Variants in SYNE1 observed in about 807,000 individuals in gnomAD.
The protein encoded by SYNE1 is nesprin-1.
A neutral mutation model predicts 1,111.0 loss-of-function variants in SYNE1; 616 were observed. That is an observed-to-expected ratio of 0.55 (90% CI 0.52 to 0.59). SYNE1 has a LOEUF of 0.59. SYNE1 is among the 20% of genes least tolerant of loss of function. The probability of loss-of-function intolerance (pLI) is 0.00; values close to 1 mark genes in which losing one functional copy is unlikely to be tolerated. For synonymous variants in SYNE1, 3,855 were observed against 3,825.8 expected (o/e 1.01, Z -0.28); for missense variants, 10,006 against 10,417.0 (o/e 0.96, Z 1.72).
At chr6:152,473,146 T>C (rs1295690214) in intron 14 of SYNE1, among the ~76,000 whole-genome samples, 1 of 152,178 alleles carries the variant, frequency 6.6e-6, no homozygotes, top group East Asian at 1.9e-4. Context: ...TATTTTACAC[T>C]CCCTCACCAA....
Position 152,331,784 on chromosome 6 carries a change from T to C in SYNE1, c.12901A>G (p.Lys4301Glu), listed in dbSNP as rs751661906. 1.4e-5 allele frequency: 23 copies of C among 1,614,126 alleles called. No individual in the cohort carries two copies. The highest frequency in any genetic ancestry group is 1.8e-5 in the Non-Finnish European group (21 of 1,180,048). ...TCTAAATTCAGATGCTCTATCATTT[T>C]CTGCTTTTGATCTTTCAGATCTTCA... The part of the protein sequence containing the change: ...AIEDLKDQKQ[K>E]MIEHLNLDDK... Residue 4301 changes from lysine to glutamate, a missense_variant, in exon 78 of 146, where the codon AAA (lysine) becomes GAA (glutamate). Around this residue, in one of 7 missense-constraint regions of SYNE1, gnomAD observed 4,955 missense variants for 5,017.2 expected, o/e 0.99. Coordinates refer to ENST00000367255, the MANE Select transcript of SYNE1 (RefSeq NM_182961.4).
chr6:152,158,474 G>A (rs2061794225), intron 131 of SYNE1, among the ~76,000 whole-genome samples: 1 of 152,064 alleles, frequency 6.6e-6, no homozygotes. Context: ...ATTGTCAAAT[G>A]TCATAGTGCC....
chr6:152,409,639 C>T lies in SYNE1; in HGVS notation c.6301G>A (p.Val2101Ile), dbSNP rs747952540. 6.2e-7 allele frequency: 1 copy of T among 1,613,882 alleles called. No individual in the cohort carries two copies. Among genetic ancestry groups the T allele is most frequent in the South Asian group, 1.1e-5 (1 of 91,068 alleles). Residue 2101 changes from valine (V) to isoleucine (I), a missense_variant, in exon 43 of 146, where the codon GTC becomes ATC. By Grantham distance (29) the Val-to-Ile change is conservative. Around this residue, in one of 7 missense-constraint regions of SYNE1, gnomAD observed 4,955 missense variants for 5,017.2 expected, o/e 0.99. Coordinates refer to ENST00000367255, the MANE Select transcript of SYNE1 (RefSeq NM_182961.4). The stretch of plus-strand genomic sequence containing the variant: ...ATCACACTGCTGGCATTTTCTAAGA[C>T]TTTAGATACAGCTGATTTCAGGTTC... The part of the protein sequence containing the change: ...YQNLKSAVSK[V>I]LENASSVIVT...
At chr6:152,221,781 C>G (rs560957874) in intron 117 of SYNE1, among the ~76,000 whole-genome samples, 1 of 152,122 alleles carries the variant, frequency 6.6e-6, no homozygotes, top group South Asian at 2.1e-4. Context: ...AGCAATGAAG[C>G]CTTCTTCTAT....
At position 152,373,109 on chromosome 6, in the gene SYNE1, G is replaced by C. The variant is rs750286179; in HGVS notation, c.9435C>G (p.Ala3145=). 55 of 1,613,912 alleles carry C rather than the reference G, an allele frequency of 3.4e-5. No homozygotes were observed. The highest frequency in any genetic ancestry group is 4.2e-5 in the Non-Finnish European group (49 of 1,180,028). ...AATCTTCTTTTGCAGCTGTAACTTT[G>C]GCCTGGATCCCTTTCGCTTTCTCTT... ...LTKEKAKGIQ[A]KVTAAKEDWK... is the part of the protein sequence containing the mutation. The change falls in exon 59 of 146, where the codon GCC becomes GCG. Residue 3145 remains alanine (A), a synonymous_variant. Coordinates refer to ENST00000367255, the MANE Select transcript of SYNE1 (RefSeq NM_182961.4).
rs933830481 is a variant in SYNE1, at chr6:152,441,250, C to T, written c.4029G>A (p.Glu1343=). The T allele has an allele frequency of 6.2e-7, 1 of 1,608,838 alleles. No homozygotes were observed. The highest frequency in any genetic ancestry group is 8.5e-7 in the Non-Finnish European group (1 of 1,176,704). The change falls in exon 32 of 146, where the codon GAG becomes GAA. Residue 1343 remains glutamate (E), a synonymous_variant. Transcript: ENST00000367255. ...CTGTTTCTTTGTTTGTTTCAAATCG[C>T]TCCCATTTTCTTAATGTGACCTAAA... ...RRIQVTLRKW[E]RFETNKETVV... is the part of the protein sequence containing the mutation.
At chr6:152,633,545 A>G (rs995759148) in intron 2 of SYNE1, among the ~76,000 whole-genome samples, 4 of 152,188 alleles carry the variant, frequency 2.6e-5, no homozygotes, top group African/African-American at 4.8e-5. Flanking sequence ...CACCCACCCA[A>G]TCAATAACCA....
At chr6:152,186,195 C>T (rs2069835365) in intron 128 of SYNE1, among the ~76,000 whole-genome samples, 1 of 152,114 alleles carries the variant, frequency 6.6e-6, no homozygotes, top group Non-Finnish European at 1.5e-5. Context: ...CAAGAACATA[C>T]TGAGGGCTGA....
At chr6:152,180,008 T>C (rs983622578) in intron 129 of SYNE1, 128 bp downstream of exon 129, 1 of 1,064,252 alleles carries the variant, frequency 9.4e-7, no homozygotes, top group East Asian at 2.6e-5. Flanking sequence ...ATTAAAAAGA[T>C]AAAATGTTTA....
chr6:152,133,207 T>C, intron 143 of SYNE1, 69 bp downstream of exon 143: 1 of 1,399,184 alleles, frequency 7.1e-7, no homozygotes, highest in East Asian at 2.3e-5. Flanking sequence ...CTTTCTAAAA[T>C]GCATGAAGAT....
Position 152,428,386 on chromosome 6 carries a change from A to G in SYNE1, c.4795T>C (p.Cys1599Arg). The change falls in exon 37 of 146, where the codon TGC becomes CGC. Residue 1599 changes from cysteine to arginine, a missense_variant. By Grantham distance (180) the Cys-to-Arg change is radical. Transcript: ENST00000367255. ...CTGCTCAGTGACTCCAGGGCCTGGC[A>G]GAGATCCTAAGAAGAGTGCGAGAAG... ...YKVLQEHMDL[C>R]QALESLSSAI... 1 of 1,613,588 alleles carries G rather than the reference A, an allele frequency of 6.2e-7. No homozygotes were observed. The highest frequency in any genetic ancestry group is 8.5e-7 in the Non-Finnish European group (1 of 1,180,030).
chr6:152,240,792 A>G (rs916990175), intron 107 of SYNE1, among the ~76,000 whole-genome samples: 1 of 152,236 alleles, frequency 6.6e-6, no homozygotes, highest in East Asian at 1.9e-4. Flanking sequence ...CCAAGGTCAC[A>G]TAGCTAGTCA....
intron 145 of SYNE1, chr6:152,127,690 C>T (rs182328982): frequency 6.6e-6 from 1 of 152,292 alleles, no homozygotes; most frequent in African/African-American, 2.4e-5. Context: ...GGTGAGCAAT[C>T]TGCCTTAGAG....
chr6:152,368,573 T>C (rs1216271921), intron 61 of SYNE1: 7 of 191,026 alleles, frequency 3.7e-5, no homozygotes, highest in Non-Finnish European at 7.7e-5. Flanking sequence ...CCATGTTTTT[T>C]CTAAAGTAAT....
chr6:152,595,930 C>T (rs1007002408), intron 3 of SYNE1, among the ~76,000 whole-genome samples: 1 of 151,646 alleles, frequency 6.6e-6, no homozygotes, highest in African/African-American at 2.4e-5. Context: ...GGACCTTGTC[C>T]TTACATCTGC....
chr6:152,441,369 C>T, intron 31 of SYNE1, 99 bp from the exon 32 acceptor site: 1 of 1,310,448 alleles, frequency 7.6e-7, no homozygotes, highest in Non-Finnish European at 1.1e-6. Flanking sequence ...AGCGAATTCT[C>T]ATTTCAAATT....
intron 87 of SYNE1, chr6:152,315,591 T>C (rs959241033): frequency 2.6e-5 from 4 of 152,246 alleles, no homozygotes; most frequent in Admixed American, 6.5e-5. Context: ...TTGAGAGCTC[T>C]CACTTCCTTA....
intron 53 of SYNE1, among the ~76,000 whole-genome samples, chr6:152,389,938 T>TC (rs1161769046): frequency 8.5e-5 from 13 of 152,204 alleles, no homozygotes; most frequent in Admixed American, 8.5e-4. Context: ...TTCCATATGT[T>TC]CCTTAAGCTA....
chr6:152,544,204 C>T (rs576338482), intron 3 of SYNE1, among the ~76,000 whole-genome samples: 1 of 152,186 alleles, frequency 6.6e-6, no homozygotes, highest in Non-Finnish European at 1.5e-5. Flanking sequence ...GCTGGGGAAG[C>T]CACACTACAA....
Sources: allele counts gnomAD v4.1 joint callset (sites outside exome capture counted in the v4.1 genomes callset), GRCh38; gene constraint gnomAD v4.1.1; regional missense constraint gnomAD v4.1.1; transcripts MANE v1.5; gene names NCBI Gene and HGNC (gene_info 2026-07-23, HGNC 2026-07-21).